The following PTPRK variants were observed in gnomAD, a reference collection of about 807,000 sequenced individuals.
PTPRK encodes protein tyrosine phosphatase receptor type K, also known as receptor-type tyrosine-protein phosphatase kappa.
PTPRK carries 75 observed loss-of-function variants against 178.0 expected under a neutral mutation model. The ratio of observed to expected loss-of-function variants is 0.42; its 90% CI spans 0.35 to 0.51. The LOEUF (loss-of-function observed/expected upper bound fraction) is 0.51, where lower values mean the gene tolerates loss of function less well. Ranked by LOEUF, PTPRK falls within the 20% of genes least tolerant of loss-of-function variation. The pLI is 0.02. For synonymous variants in PTPRK, 637 were observed against 620.6 expected, an observed-to-expected ratio of 1.03 and a Z score of -0.39; for missense variants, 1,441 against 1,797.8, an observed-to-expected ratio of 0.80 and a Z score of 3.59.
chr6:128,305,226 A>C (rs1160932547), intron 3 of PTPRK, among the ~76,000 whole-genome samples: 1 of 152,242 alleles, frequency 6.6e-6, no homozygotes, highest in Non-Finnish European at 1.5e-5. Context: ...TCTGAAATAA[A>C]GTTGACTAAT....
intron 3 of PTPRK, among the ~76,000 whole-genome samples, chr6:128,264,107 A>G (rs1006533651): frequency 6.6e-6 from 1 of 152,136 alleles, no homozygotes; most frequent in East Asian, 1.9e-4. Flanking sequence ...CAAAAGAAGA[A>G]AAGCCAGAGG....
At position 127,976,778 on chromosome 6, in the gene PTPRK, C is replaced by CAGGG; in HGVS notation, c.3847_3848insCCCT (p.Cys1283SerfsTer29). 6.2e-7 allele frequency: 1 copy of CAGGG among 1,612,540 alleles called. No individual in the cohort carries two copies. Among genetic ancestry groups the CAGGG allele is most frequent in the Non-Finnish European group, 8.5e-7 (1 of 1,179,648 alleles). ...CCCTTCCTCTGGCCAGTACTGAGGG[C>CAGGG]AGCCCTAAATGATGAACGTTTTGAA... On this transcript the variant is annotated frameshift_variant, in exon 27 of 30. Coordinates refer to ENST00000368226, the MANE Select transcript of PTPRK (RefSeq NM_002844.4). LOFTEE classifies it high-confidence loss of function.
intron 5 of PTPRK, among the ~76,000 whole-genome samples, chr6:128,229,762 T>C (rs138031925): frequency 2.0e-4 from 31 of 152,310 alleles, no homozygotes; most frequent in African/African-American, 7.0e-4. Context: ...TATATTTAAA[T>C]CCATGAGTGT....
chr6:128,354,195 T>C (rs1400467030), intron 2 of PTPRK, among the ~76,000 whole-genome samples: 1 of 150,846 alleles, frequency 6.6e-6, no homozygotes, highest in Non-Finnish European at 1.5e-5. Context: ...GCCTCTAGCA[T>C]TTAATCCTTT....
At chr6:128,042,049 C>T (rs538611961) in intron 13 of PTPRK, among the ~76,000 whole-genome samples, 2 of 151,998 alleles carry the variant, frequency 1.3e-5, no homozygotes, top group South Asian at 2.1e-4. Flanking sequence ...AGAAGAAACC[C>T]CTCTCCTCCA....
chr6:128,074,053 A>G (rs747742813), intron 11 of PTPRK, among the ~76,000 whole-genome samples: 24 of 152,052 alleles, frequency 1.6e-4, no homozygotes, highest in Admixed American at 5.3e-4. Context: ...TTAAGCTATC[A>G]GTGAACTTAG....
chr6:128,399,106 A>T (rs1180919961), intron 1 of PTPRK, among the ~76,000 whole-genome samples: 1 of 152,188 alleles, frequency 6.6e-6, no homozygotes, highest in African/African-American at 2.4e-5. Context: ...TTCAGTTTCC[A>T]TAGGGATCTC....
chr6:128,175,668 T>C (rs942478303), intron 7 of PTPRK, among the ~76,000 whole-genome samples: 9 of 151,784 alleles, frequency 5.9e-5, no homozygotes, highest in Admixed American at 4.0e-4. Context: ...AATAGTGCAT[T>C]GACAAAAATG....
intron 1 of PTPRK, among the ~76,000 whole-genome samples, chr6:128,464,638 C>CATATATATATGT (rs1554271837): frequency 2.1e-5 from 1 of 48,602 alleles, no homozygotes; most frequent in Non-Finnish European, 3.5e-5. Context: ...TATATATACA[C>CATATATATATGT]ATATATATAT....
Position 127,970,151 on chromosome 6 carries a change from G to A in PTPRK, c.*76C>T, listed in dbSNP as rs1282170621. The A allele has an allele frequency of 1.7e-6, 2 of 1,202,918 alleles. No individual in the cohort carries two copies. The highest frequency in any genetic ancestry group is 1.4e-5 in the South Asian group (1 of 71,730). The allele number at this position is 1,202,918 out of a possible 1,614,324, so 74.5% of individuals were successfully genotyped here. A position where few individuals can be genotyped will look rare whatever the true frequency, so the allele number is the denominator to read the frequency against. ...CACATTAAAATCTTTCTGCACAAGT[G>A]TAACAGGTACAACAGCTGCTGGCTC... On this transcript the variant is annotated 3_prime_UTR_variant, in exon 30 of 30. Transcript: ENST00000368226.
chr6:128,419,168 G>T (rs952262220), intron 1 of PTPRK, among the ~76,000 whole-genome samples: 1 of 152,220 alleles, frequency 6.6e-6, no homozygotes, highest in South Asian at 2.1e-4. Context: ...CTACAGAGCT[G>T]TAAGGAAAAC....
intron 20 of PTPRK, 42 bp downstream of exon 20, chr6:127,991,252 T>C: frequency 6.9e-7 from 1 of 1,458,538 alleles, no homozygotes; most frequent in Non-Finnish European, 9.4e-7. Flanking sequence ...TTCTCAACTA[T>C]GTTCATTTTT....
At chr6:128,314,878 C>A (rs1827786138) in intron 3 of PTPRK, among the ~76,000 whole-genome samples, 1 of 151,470 alleles carries the variant, frequency 6.6e-6, no homozygotes, top group African/African-American at 2.4e-5. Flanking sequence ...TTCTAATTCT[C>A]ACACTTCATG....
At chr6:128,248,524 T>A (rs1280276868) in intron 3 of PTPRK, among the ~76,000 whole-genome samples, 3 of 152,082 alleles carry the variant, frequency 2.0e-5, no homozygotes, top group Non-Finnish European at 2.9e-5. Context: ...GTACATGGCA[T>A]CACAAAAGCT....
intron 7 of PTPRK, among the ~76,000 whole-genome samples, chr6:128,169,819 GTA>G (rs1458901694): frequency 6.2e-5 from 8 of 128,230 alleles, no homozygotes; most frequent in Middle Eastern, 4.3e-3. Context: ...GTGTGTGTGT[GTA>G]TTATTTTAAG....
intron 14 of PTPRK, chr6:128,008,083 T>C (rs775473406): frequency 2.2e-6 from 3 of 1,345,778 alleles, no homozygotes; most frequent in Admixed American, 3.9e-5. Flanking sequence ...CTCCAACATA[T>C]ATATCTCCAG....
intron 24 of PTPRK, 137 bp from the exon 25 acceptor site, chr6:127,981,426 G>T: frequency 1.4e-6 from 1 of 703,594 alleles, no homozygotes; most frequent in Non-Finnish European, 2.3e-6. Context: ...ACTATGACAG[G>T]CTGATAGACC....
chr6:128,267,036 C>A (rs1229916967), intron 3 of PTPRK, among the ~76,000 whole-genome samples: 1 of 152,072 alleles, frequency 6.6e-6, no homozygotes, highest in Non-Finnish European at 1.5e-5. Flanking sequence ...TATGAAATCA[C>A]ATAGCTAATT....
chr6:128,471,581 C>A, intron 1 of PTPRK, among the ~76,000 whole-genome samples: 1 of 111,166 alleles, frequency 9.0e-6, no homozygotes, highest in Non-Finnish European at 1.8e-5. Context: ...ATCAGAAAGG[C>A]ATTCACTAGA....
Sources: gnomAD v4.1 joint callset for allele counts (sites outside exome capture counted in the v4.1 genomes callset) on GRCh38, gnomAD v4.1.1 for gene constraint, MANE v1.5 for transcripts, NCBI Gene and HGNC (gene_info 2026-07-23, HGNC 2026-07-21) for gene names.